Variants in TESK2 observed in about 807,000 individuals in gnomAD.
The protein encoded by TESK2 is testis associated actin remodelling kinase 2.
Under a neutral mutation model 57.1 loss-of-function variants are expected in TESK2, and 39 were observed. That is an observed-to-expected ratio of 0.68 (90% confidence interval 0.53 to 0.89). The LOEUF (loss-of-function observed/expected upper bound fraction) is 0.89, where lower values mean the gene tolerates loss of function less well. Ranked by LOEUF, TESK2 falls within the 40% of genes least tolerant of loss-of-function variation. The probability of loss-of-function intolerance (pLI) is 0.00; values close to 1 mark genes in which losing one functional copy is unlikely to be tolerated. For missense variants in TESK2, 646 were observed against 732.1 expected, an observed-to-expected ratio of 0.88 and a Z score of 1.36; for synonymous variants, 249 against 267.9, an observed-to-expected ratio of 0.93 and a Z score of 0.69.
intron 6 of TESK2, 74 bp downstream of exon 6, chr1:45,347,844 G>A (rs1481233304): frequency 6.9e-6 from 10 of 1,454,524 alleles, no homozygotes; most frequent in Middle Eastern, 3.5e-4. Context: ...CTGGCCTCTG[G>A]GGAGGAGGCT....
intron 1 of TESK2, among the ~76,000 whole-genome samples, chr1:45,470,427 G>T (rs1437589330): frequency 1.3e-5 from 2 of 152,194 alleles, no homozygotes; most frequent in African/African-American, 4.8e-5. Flanking sequence ...CCTTCCTGCT[G>T]TGAAATAATG....
chr1:45,345,891 T>C lies in TESK2; in HGVS notation c.983A>G (p.Gln328Arg), dbSNP rs201509765. 7.1e-4 allele frequency: 1,143 copies of C among 1,613,816 alleles called. No homozygotes were observed. Among genetic ancestry groups the C allele is most frequent in the Non-Finnish European group, 8.6e-4 (1,016 of 1,179,860 alleles). ...EEEQERDRKL[Q>R]PTARGLLEKA... ...TAATCTCTTACCCCTGGCTGTGGGC[T>C]GCAGCTTCCTATCCCTCTCCTGCTC... The change falls in exon 10 of 11, where the codon CAG becomes CGG. Residue 328 changes from glutamine to arginine, a missense_variant. Transcript: ENST00000372086.
chr1:45,374,404 C>T (rs557699985), intron 4 of TESK2, among the ~76,000 whole-genome samples: 1 of 152,174 alleles, frequency 6.6e-6, no homozygotes, highest in South Asian at 2.1e-4. Flanking sequence ...GCTACAAGAC[C>T]TTAGCTAACT....
Position 45,344,393 on chromosome 1 carries a change from T to C in TESK2, c.*447A>G, listed in dbSNP as rs1431190507. The C allele has an allele frequency of 5.9e-6, 1 of 168,124 alleles. No individual in the cohort carries two copies. The highest frequency in any genetic ancestry group is 1.3e-5 in the Non-Finnish European group (1 of 77,702). 10.4% of individuals were successfully genotyped at this position (168,124 alleles called of 1,614,324 possible). A position where few individuals can be genotyped will look rare whatever the true frequency, so the allele number is the denominator to read the frequency against. ...AATACTGGCAAGAAGCACCCCAATA[T>C]TCAGGTCTGGGAAACAGCCATGACC... On this transcript the variant is annotated 3_prime_UTR_variant, in exon 11 of 11. Transcript: ENST00000372086.
chr1:45,369,877 A>G (rs1247346057), intron 4 of TESK2, among the ~76,000 whole-genome samples: 1 of 151,984 alleles, frequency 6.6e-6, no homozygotes, highest in Non-Finnish European at 1.5e-5. Flanking sequence ...ACACCCAGCT[A>G]ATTTTTGTAT....
At chr1:45,384,389 G>GTCTACCTA (rs1553147484) in intron 4 of TESK2, among the ~76,000 whole-genome samples, 2 of 144,264 alleles carry the variant, frequency 1.4e-5, no homozygotes, top group East Asian at 2.1e-4. Flanking sequence ...CTATCTATCT[G>GTCTACCTA]TCTATCTATC....
At chr1:45,379,350 G>A (rs780024721) in intron 4 of TESK2, among the ~76,000 whole-genome samples, 2 of 152,140 alleles carry the variant, frequency 1.3e-5, no homozygotes, top group Non-Finnish European at 2.9e-5. Context: ...TTTTTGTAGA[G>A]ATAAGGTCTC....
chr1:45,477,051 T>C (rs1397094488), intron 1 of TESK2, among the ~76,000 whole-genome samples: 2 of 14,010 alleles, frequency 1.4e-4, no homozygotes, highest in African/African-American at 2.9e-4. Context: ...TGAAACCACG[T>C]CTCTACCAAA....
chr1:45,396,606 A>G (rs1649370898), intron 3 of TESK2, among the ~76,000 whole-genome samples: 1 of 151,448 alleles, frequency 6.6e-6, no homozygotes, highest in African/African-American at 2.4e-5. Context: ...CTCCTGCCTC[A>G]GCCTCCCGAG....
chr1:45,477,295 A>G (rs1653038601), intron 1 of TESK2, among the ~76,000 whole-genome samples: 1 of 152,060 alleles, frequency 6.6e-6, no homozygotes, highest in South Asian at 2.1e-4. Context: ...CTGAATTCAT[A>G]CTGATATATA....
chr1:45,442,881 G>A (rs551852294), intron 2 of TESK2, among the ~76,000 whole-genome samples: 51 of 152,244 alleles, frequency 3.3e-4, no homozygotes, highest in African/African-American at 1.2e-3. Context: ...CACCTCCTGG[G>A]TTCAAGCAAT....
intron 3 of TESK2, among the ~76,000 whole-genome samples, chr1:45,416,072 CTTTTTTTTTTTTTTTT>C (rs34785518): frequency 3.4e-5 from 2 of 59,282 alleles, no homozygotes; most frequent in Non-Finnish European, 5.4e-5. Flanking sequence ...AATCTAGAGC[CTTTTTTTTTTTTTTTT>C]TTTTTTTTTT....
intron 2 of TESK2, among the ~76,000 whole-genome samples, chr1:45,440,114 G>A (rs1278594245): frequency 1.3e-5 from 2 of 151,960 alleles, no homozygotes; most frequent in African/African-American, 4.8e-5. Context: ...AGTACACCTG[G>A]CTAACTTTTG....
chr1:45,376,918 A>AG (rs1306183461), intron 4 of TESK2, among the ~76,000 whole-genome samples: 1 of 152,190 alleles, frequency 6.6e-6, no homozygotes, highest in Admixed American at 6.5e-5. Flanking sequence ...AGATAGTAGT[A>AG]TGTCAAAATG....
intron 3 of TESK2, among the ~76,000 whole-genome samples, chr1:45,387,229 T>C (rs1285790174): frequency 6.6e-6 from 1 of 152,134 alleles, no homozygotes; most frequent in East Asian, 1.9e-4. Context: ...TTGATGCTGG[T>C]TTCAGCTCTG....
intron 3 of TESK2, among the ~76,000 whole-genome samples, chr1:45,389,321 G>A (rs1649043050): frequency 6.6e-6 from 1 of 152,138 alleles, no homozygotes; most frequent in African/African-American, 2.4e-5. Context: ...GCTGAGGTGG[G>A]AGGACCACTT....
chr1:45,408,514 T>A (rs895818917), intron 3 of TESK2, among the ~76,000 whole-genome samples: 37 of 152,298 alleles, frequency 2.4e-4, no homozygotes, highest in African/African-American at 8.7e-4. Context: ...CCCGGCACAA[T>A]GGGTTAGTCT....
At chr1:45,433,593 C>T (rs750877014) in intron 2 of TESK2, among the ~76,000 whole-genome samples, 1 of 152,108 alleles carries the variant, frequency 6.6e-6, no homozygotes, top group African/African-American at 2.4e-5. Flanking sequence ...GTTCCATCTG[C>T]GTTGCTGAAA....
intron 2 of TESK2, among the ~76,000 whole-genome samples, chr1:45,449,626 C>T (rs1651792970): frequency 6.6e-6 from 1 of 152,068 alleles, no homozygotes; most frequent in South Asian, 2.1e-4. Context: ...GAGATTGCTA[C>T]ATTATTATAT....
Sources: allele counts gnomAD v4.1 joint callset (sites outside exome capture counted in the v4.1 genomes callset), GRCh38; gene constraint gnomAD v4.1.1; transcripts MANE v1.5; gene names NCBI Gene and HGNC (gene_info 2026-07-23, HGNC 2026-07-21).